The following DCLRE1C variants were observed in gnomAD, a reference collection of about 807,000 sequenced individuals.
The protein encoded by DCLRE1C is protein artemis.
In DCLRE1C, 47 loss-of-function variants were observed where a neutral mutation model predicts 61.4. The observed-to-expected ratio is 0.77, with a 90% CI of 0.61 to 0.98. The LOEUF is 0.98. DCLRE1C is among the 50% of genes least tolerant of loss of function. The probability of loss-of-function intolerance (pLI) is 0.00; values close to 1 mark genes in which losing one functional copy is unlikely to be tolerated. For missense variants in DCLRE1C, 858 were observed against 816.0 expected, an observed-to-expected ratio of 1.05 and a Z score of -0.63; for synonymous variants, 337 against 287.6, an observed-to-expected ratio of 1.17 and a Z score of -1.74.
intron 3 of DCLRE1C, 95 bp downstream of exon 3, chr10:14,945,010 A>G: frequency 2.3e-6 from 2 of 851,140 alleles, no homozygotes; most frequent in Non-Finnish European, 3.8e-6. Context: ...GGATAACTGA[A>G]GTATGTTACA....
chr10:14,913,341 AC>A (rs1835619308), intron 13 of DCLRE1C, among the ~76,000 whole-genome samples: 1 of 152,238 alleles, frequency 6.6e-6, no homozygotes, highest in Non-Finnish European at 1.5e-5. Context: ...ATTCTGTTAT[AC>A]TAACAGTCGT....
chr10:14,932,460 C>T (rs375210421), intron 9 of DCLRE1C, among the ~76,000 whole-genome samples: 4 of 151,786 alleles, frequency 2.6e-5, no homozygotes, highest in Non-Finnish European at 4.4e-5. Context: ...ACATGGCTAA[C>T]CTCGTCTGTA....
intron 3 of DCLRE1C, among the ~76,000 whole-genome samples, chr10:14,944,648 T>A (rs887469222): frequency 5.3e-5 from 8 of 151,076 alleles, no homozygotes; most frequent in Non-Finnish European, 1.2e-4. Context: ...TATTGTTCAA[T>A]GCCAACAGAC....
At chr10:14,899,955 G>A (rs1833882647), downstream of DCLRE1C, among the ~76,000 whole-genome samples, 2 of 152,024 alleles carry the variant, frequency 1.3e-5, no homozygotes, top group South Asian at 2.1e-4. Flanking sequence ...AACTTTGTAC[G>A]GTAGGTATTA....
intron 13 of DCLRE1C, among the ~76,000 whole-genome samples, chr10:14,913,276 T>G (rs1231223282): frequency 6.6e-6 from 1 of 152,262 alleles, no homozygotes; most frequent in Non-Finnish European, 1.5e-5. Flanking sequence ...ACATAAAGTT[T>G]CTTTTTTGGG....
chr10:14,910,827 ATC>A (rs1835136511), intron 13 of DCLRE1C, among the ~76,000 whole-genome samples: 1 of 152,202 alleles, frequency 6.6e-6, no homozygotes, highest in Non-Finnish European at 1.5e-5. Context: ...ATCAGAAACT[ATC>A]TCTCAAGAAA....
chr10:14,898,202 CTTTTTTTTTTTTTTTTTT>C (rs919860514), exon 14 of DCLRE1C: 3 of 56,156 alleles, frequency 5.3e-5, no homozygotes, highest in Admixed American at 1.9e-4. Context: ...AGTACTGTTT[CTTTTTTTTTTTTTTTTTT>C]TTTTTTTTTT....
intron 12 of DCLRE1C, 93 bp downstream of exon 12, chr10:14,922,888 C>A (rs923008781): frequency 2.2e-6 from 2 of 918,702 alleles, no homozygotes; most frequent in African/African-American, 3.3e-5. Context: ...CAAACAGATT[C>A]TAGACTTGTA....
At chr10:14,937,736 C>A (rs554855018) in intron 4 of DCLRE1C, among the ~76,000 whole-genome samples, 3 of 151,918 alleles carry the variant, frequency 2.0e-5, no homozygotes, top group Admixed American at 1.3e-4. Flanking sequence ...ACTAAAAATA[C>A]AAAAATTAGC....
At position 14,928,134 on chromosome 10, in the gene DCLRE1C, A is replaced by C; in HGVS notation, c.799T>G (p.Trp267Gly). 6.2e-7 allele frequency: 1 copy of C among 1,613,530 alleles called. No homozygotes were observed. The highest frequency in any genetic ancestry group is 1.1e-5 in the South Asian group (1 of 91,074). ...GTAATTCCACAGGGTAATTTGCTCC[A>C]CTGAAAATATTCCTCTGCCTAAAAA... ...RHPKAEEYFQWSKLPCGITSR... is the reference protein window; with the variant it reads ...RHPKAEEYFQGSKLPCGITSR... Residue 267 changes from tryptophan to glycine, a missense_variant, in exon 10 of 14, where the codon TGG (tryptophan) becomes GGG (glycine). This residue lies in a region of DCLRE1C where 843 missense variants were observed against 783.5 expected (regional missense o/e 1.08). Coordinates refer to ENST00000378278, the MANE Select transcript of DCLRE1C (RefSeq NM_001033855.3).
intron 13 of DCLRE1C, among the ~76,000 whole-genome samples, chr10:14,912,124 G>A (rs1835359803): frequency 6.6e-6 from 1 of 152,200 alleles, no homozygotes; most frequent in Admixed American, 6.5e-5. Flanking sequence ...ATCTAGAGAT[G>A]GACCTCTAGG....
intron 6 of DCLRE1C, 57 bp downstream of exon 6, chr10:14,935,406 G>T: frequency 6.4e-7 from 1 of 1,568,848 alleles, no homozygotes; most frequent in East Asian, 2.2e-5. Flanking sequence ...GACACAGCAA[G>T]ACTCCATTTC....
At chr10:14,919,091 T>A (rs769035453) in intron 13 of DCLRE1C, among the ~76,000 whole-genome samples, 4 of 152,116 alleles carry the variant, frequency 2.6e-5, no homozygotes, top group Non-Finnish European at 5.9e-5. Flanking sequence ...TGTGTTTTGG[T>A]CAAGTATTTA....
At chr10:14,937,795 G>A (rs1250587951) in intron 4 of DCLRE1C, among the ~76,000 whole-genome samples, 1 of 150,832 alleles carries the variant, frequency 6.6e-6, no homozygotes, top group Admixed American at 6.6e-5. Context: ...TCAGGAGGCT[G>A]AGGCAAGAGA....
rs1485367298 is a variant in DCLRE1C at position 14,923,058 on chromosome 10, G to A, written c.984C>T (p.Phe328=). Residue 328 remains phenylalanine (F), a synonymous_variant, in exon 12 of 14, where the codon TTC becomes TTT. Coordinates refer to ENST00000378278, the MANE Select transcript of DCLRE1C (RefSeq NM_001033855.3). ...CGTTCACAGGACAGAGGTAGCTCAA[G>A]AAATCTTTAATCTAGAAAAAGGAAA... ...FHSSYSEIKD[F]LSYLCPVNAY... is the part of the protein sequence containing the mutation. 2 of 1,613,618 alleles carry A rather than the reference G, an allele frequency of 1.2e-6. No homozygotes were observed. The highest frequency in any genetic ancestry group is 3.3e-5 in the Admixed American group (2 of 60,024).
intron 13 of DCLRE1C, among the ~76,000 whole-genome samples, chr10:14,916,586 A>G (rs112103988): frequency 2.0e-3 from 307 of 152,364 alleles, no homozygotes; most frequent in African/African-American, 6.9e-3. Context: ...GCTCCCAAGC[A>G]TTTTGAATAA....
intron 8 of DCLRE1C, among the ~76,000 whole-genome samples, chr10:14,933,797 A>G (rs940971919): frequency 1.3e-5 from 2 of 152,230 alleles, no homozygotes; most frequent in African/African-American, 4.8e-5. Flanking sequence ...AAGTTTGGGA[A>G]AAATACTTTG....
Position 14,908,432 on chromosome 10 carries a change from TC to T in DCLRE1C, c.2054del (p.Arg685LysfsTer6). 6.2e-7 allele frequency: 1 copy of T among 1,614,002 alleles called. No individual in the cohort carries two copies. Among genetic ancestry groups the T allele is most frequent in the Non-Finnish European group, 8.5e-7 (1 of 1,179,970 alleles). On this transcript the variant is annotated frameshift_variant, in exon 14 of 14. Coordinates refer to ENST00000378278, the MANE Select transcript of DCLRE1C (RefSeq NM_001033855.3). LOFTEE classifies it high-confidence loss of function. ...CTTAGGTATCTAAGAGTGAGCATTT[TC>T]TTTTTTTGACTGCTATACTCTCACC... is the stretch of plus-strand genomic sequence containing the variant. ...ATGESIAVKKRKCSLLDT is the reference protein window; with the variant it reads ...ATGESIAVKKXKCSLLDT
chr10:14,943,131 GA>G (rs972209221), intron 3 of DCLRE1C, among the ~76,000 whole-genome samples: 9 of 148,538 alleles, frequency 6.1e-5, no homozygotes, highest in Non-Finnish European at 9.0e-5. Context: ...TCAAAAAAAG[GA>G]AAAAAAAAAG....
Sources: gnomAD v4.1 joint callset for allele counts (sites outside exome capture counted in the v4.1 genomes callset) on GRCh38, gnomAD v4.1.1 for gene constraint, gnomAD v4.1.1 regional missense constraint, MANE v1.5 for transcripts, NCBI Gene and HGNC (gene_info 2026-07-23, HGNC 2026-07-21) for gene names.